PRRX1: variants seen among roughly 807,000 people sequenced by gnomAD.
PRRX1 encodes the protein paired mesoderm homeobox protein 1.
Under a neutral mutation model 24.0 loss-of-function variants are expected in PRRX1, and 8 were observed. The observed-to-expected ratio is 0.33, with a 90% CI of 0.20 to 0.60. The LOEUF (loss-of-function observed/expected upper bound fraction) is 0.60, where lower values mean the gene tolerates loss of function less well. Ranked by LOEUF, PRRX1 falls within the 20% of genes least tolerant of loss-of-function variation. The probability of loss-of-function intolerance (pLI) is 0.82; values close to 1 mark genes in which losing one functional copy is unlikely to be tolerated. For synonymous variants in PRRX1, 160 were observed against 131.7 expected (o/e 1.22, Z -1.47); for missense variants, 281 against 322.4 (o/e 0.87, Z 0.98).
chr1:170,690,383 A>T (rs949989973), intron 1 of PRRX1, among the ~76,000 whole-genome samples: 18 of 152,062 alleles, frequency 1.2e-4, no homozygotes, highest in Non-Finnish European at 2.2e-4. Flanking sequence ...GGAGATATGA[A>T]CTATAAGCTG....
chr1:170,700,787 C>A (rs1420235647), intron 1 of PRRX1, among the ~76,000 whole-genome samples: 1 of 152,176 alleles, frequency 6.6e-6, no homozygotes, highest in Non-Finnish European at 1.5e-5. Context: ...CTGGAGGATG[C>A]AGTTCAAAGA....
intron 2 of PRRX1, among the ~76,000 whole-genome samples, chr1:170,725,735 T>C (rs1655235925): frequency 6.6e-6 from 1 of 152,234 alleles, no homozygotes; most frequent in African/African-American, 2.4e-5. Flanking sequence ...AACATTTCCT[T>C]CTTAAATCTT....
chr1:170,725,941 G>C (rs1040179210), intron 2 of PRRX1, among the ~76,000 whole-genome samples: 1 of 152,038 alleles, frequency 6.6e-6, no homozygotes, highest in African/African-American at 2.4e-5. Flanking sequence ...CCCATATTTT[G>C]CTGTCCCGTG....
intron 1 of PRRX1, among the ~76,000 whole-genome samples, chr1:170,676,998 CA>C (rs1442401579): frequency 1.3e-5 from 2 of 152,140 alleles, no homozygotes; most frequent in East Asian, 1.9e-4. Context: ...GGGCTAAATG[CA>C]TGTGAGTTGT....
intron 1 of PRRX1, among the ~76,000 whole-genome samples, chr1:170,715,479 A>T (rs1654879123): frequency 6.6e-6 from 1 of 152,200 alleles, no homozygotes. Flanking sequence ...TATGTATATA[A>T]ATTTAGAGCC....
intron 3 of PRRX1, among the ~76,000 whole-genome samples, chr1:170,735,052 T>C (rs1257581716): frequency 6.6e-6 from 1 of 152,174 alleles, no homozygotes. Flanking sequence ...TTGCTAATCT[T>C]AGAAGCAACT....
chr1:170,712,292 G>A (rs1654776319), intron 1 of PRRX1, among the ~76,000 whole-genome samples: 1 of 152,034 alleles, frequency 6.6e-6, no homozygotes, highest in Non-Finnish European at 1.5e-5. Context: ...AACTTTTGGG[G>A]CAAACACCTG....
In PRRX1 at chr1:170,738,599, A is replaced by G. The variant is rs998677866; in HGVS notation, c.*2413A>G. Reference sequence around the variant, plus strand: ...CTGAAACATTCTAAGTGAAATGAGTATAATCCAAGTAACTGGTGAACTTTG... The same window carrying G: ...CTGAAACATTCTAAGTGAAATGAGTGTAATCCAAGTAACTGGTGAACTTTG... On this transcript the variant is annotated 3_prime_UTR_variant, in exon 4 of 4. Transcript: ENST00000239461. The G allele has an allele frequency of 3.1e-5, 7 of 228,860 alleles. No homozygotes were observed. The highest frequency in any genetic ancestry group is 1.1e-4 in the Admixed American group (2 of 17,620). The allele number at this position is 228,860 out of a possible 1,614,324, so 14.2% of individuals were successfully genotyped here.
chr1:170,717,427 G>T (rs897470378), intron 1 of PRRX1, among the ~76,000 whole-genome samples: 5 of 152,120 alleles, frequency 3.3e-5, no homozygotes, highest in African/African-American at 1.2e-4. Flanking sequence ...GAAGAAATAG[G>T]CTTTTGAAAC....
intron 1 of PRRX1, among the ~76,000 whole-genome samples, chr1:170,695,399 T>C (rs1654135128): frequency 6.6e-6 from 1 of 152,184 alleles, no homozygotes; most frequent in African/African-American, 2.4e-5. Flanking sequence ...TTCAATCAGT[T>C]GGATGTTTTT....
Position 170,664,224 on chromosome 1 carries a change from C to A in PRRX1, c.6C>A (p.Thr2=). M[T]SSYGHVLERQ... ...TGGGATCGGTGGGGGAGACCATGAC[C>A]TCCAGCTACGGGCACGTTCTGGAGC... Residue 2 remains threonine (T), a synonymous_variant, in exon 1 of 4, where the codon ACC becomes ACA. Transcript: ENST00000239461. 2 of 1,610,688 alleles carry A rather than the reference C, an allele frequency of 1.2e-6. No individual in the cohort carries two copies. The highest frequency in any genetic ancestry group is 1.7e-6 in the Non-Finnish European group (2 of 1,178,948).
At chr1:170,694,075 A>G (rs1176411102) in intron 1 of PRRX1, among the ~76,000 whole-genome samples, 1 of 152,048 alleles carries the variant, frequency 6.6e-6, no homozygotes, top group East Asian at 1.9e-4. Context: ...ATTACCACAT[A>G]CTTTGGTTTC....
In PRRX1 at chr1:170,726,235, C is replaced by G; in HGVS notation, c.433C>G (p.Arg145Gly). The change falls in exon 3 of 4, where the codon CGA (arginine) becomes GGA (glycine). Residue 145 changes from arginine (R) to glycine (G), a missense_variant. By Grantham distance (125) the Arg-to-Gly change is moderately radical. Transcript: ENST00000239461. ...EARVQVWFQNRRAKFRRNERA... is the reference protein window; with the variant it reads ...EARVQVWFQNGRAKFRRNERA... ...AATCCTCCAGGTGTGGTTTCAGAAC[C>G]GAAGAGCCAAGTTCCGCAGGAATGA... 1 of 1,613,878 alleles carries G rather than the reference C, an allele frequency of 6.2e-7. No homozygotes were observed. Among genetic ancestry groups the G allele is most frequent in the Admixed American group, 1.7e-5 (1 of 60,010 alleles).
chr1:170,734,484 A>G (rs1242308887), intron 3 of PRRX1, among the ~76,000 whole-genome samples: 2 of 152,174 alleles, frequency 1.3e-5, no homozygotes, highest in African/African-American at 2.4e-5. Context: ...AACTTGAATC[A>G]AGTGCTAAAA....
At chr1:170,677,772 C>T (rs1292894440) in intron 1 of PRRX1, among the ~76,000 whole-genome samples, 1 of 152,186 alleles carries the variant, frequency 6.6e-6, no homozygotes, top group African/African-American at 2.4e-5. Context: ...CTTCCTCTCT[C>T]AGCGTGAAAC....
At chr1:170,675,704 T>C (rs561696051) in intron 1 of PRRX1, among the ~76,000 whole-genome samples, 4 of 152,262 alleles carry the variant, frequency 2.6e-5, no homozygotes, top group African/African-American at 7.2e-5. Context: ...GGAAACAACA[T>C]ATTTTATTAT....
chr1:170,735,211 G>T (rs1378636263), intron 3 of PRRX1, among the ~76,000 whole-genome samples: 1 of 152,152 alleles, frequency 6.6e-6, no homozygotes, highest in East Asian at 1.9e-4. Flanking sequence ...ATAAATTTCT[G>T]CCTAGTGGTG....
intron 3 of PRRX1, among the ~76,000 whole-genome samples, chr1:170,731,282 G>A (rs958573731): frequency 2.0e-5 from 3 of 152,074 alleles, no homozygotes; most frequent in Admixed American, 1.3e-4. Flanking sequence ...ATGCATCACA[G>A]TCTTGAACAC....
chr1:170,669,767 G>A (rs1225557665), intron 1 of PRRX1, among the ~76,000 whole-genome samples: 1 of 152,010 alleles, frequency 6.6e-6, no homozygotes, highest in African/African-American at 2.4e-5. Flanking sequence ...CCTGCATTGC[G>A]ACCCCCGGCG....
Sources: allele counts gnomAD v4.1 joint callset (sites outside exome capture counted in the v4.1 genomes callset), GRCh38; gene constraint gnomAD v4.1.1; transcripts MANE v1.5; gene names NCBI Gene and HGNC (gene_info 2026-07-23, HGNC 2026-07-21).